ACO1: variants seen among roughly 807,000 people sequenced by gnomAD.
ACO1 encodes cytoplasmic aconitate hydratase.
In ACO1, 78 loss-of-function variants were observed where a neutral mutation model predicts 105.1. That is an observed-to-expected ratio of 0.74 (90% CI 0.62 to 0.90). The LOEUF is 0.90. Among genes scored for constraint, ACO1 ranks in the 40% least tolerant of loss-of-function variants. The pLI, the probability that ACO1 is intolerant of heterozygous loss-of-function variation, is 0.00. For synonymous variants in ACO1, 364 were observed against 397.4 expected (o/e 0.92, Z 1.00); for missense variants, 965 against 1,111.1 (o/e 0.87, Z 1.87).
intron 15 of ACO1, among the ~76,000 whole-genome samples, chr9:32,432,126 C>T (rs1410654057): frequency 6.6e-6 from 1 of 152,092 alleles, no homozygotes; most frequent in Non-Finnish European, 1.5e-5. Context: ...ACGCCTTTCT[C>T]GGACACCCAG....
At chr9:32,393,277 G>A (rs963436954) in intron 1 of ACO1, among the ~76,000 whole-genome samples, 8 of 152,124 alleles carry the variant, frequency 5.3e-5, no homozygotes, top group Non-Finnish European at 1.0e-4. Context: ...GTCCCTGAGG[G>A]TAGGCCTCTA....
At chr9:32,426,107 G>A (rs951721247) in intron 11 of ACO1, 110 bp downstream of exon 11, 10 of 1,078,506 alleles carry the variant, frequency 9.3e-6, no homozygotes, top group East Asian at 4.9e-5. Context: ...CCTGAACCTC[G>A]TCTTTTCCAG....
intron 19 of ACO1, 147 bp from the exon 20 acceptor site, chr9:32,448,749 G>A (rs1041529153): frequency 1.2e-4 from 95 of 796,798 alleles, no homozygotes; most frequent in African/African-American, 4.3e-4. Flanking sequence ...GAAATCACTC[G>A]CCTTCTGTGT....
chr9:32,384,810 C>T, intron 1 of ACO1, 75 bp downstream of exon 1: 1 of 284,324 alleles, frequency 3.5e-6, no homozygotes, highest in South Asian at 2.4e-5. Context: ...AGAGTCGGTG[C>T]GGGCCTTTAC....
chr9:32,405,523 C>G lies in ACO1; in HGVS notation c.17C>G (p.Ala6Gly), dbSNP rs1031755059. The G allele has an allele frequency of 6.2e-7, 1 of 1,613,572 alleles. No homozygotes were observed. Among genetic ancestry groups the G allele is most frequent in the African/African-American group, 1.3e-5 (1 of 74,914 alleles). MSNPF[A>G]HLAEPLDPVQ... ...TCAGTAATCATGAGCAACCCATTCG[C>G]ACACCTTGCTGAGCCATTGGATCCT... is the stretch of plus-strand genomic sequence containing the variant. Residue 6 changes from alanine (A) to glycine (G), a missense_variant, in exon 2 of 21, where the codon GCA becomes GGA. Ala to Gly is a moderately conservative substitution (Grantham distance 60). Transcript: ENST00000309951.
intron 16 of ACO1, 76 bp downstream of exon 16, chr9:32,433,908 A>G (rs1822295970): frequency 8.3e-7 from 1 of 1,204,834 alleles, no homozygotes; most frequent in African/African-American, 1.5e-5. Flanking sequence ...TTATTACCCC[A>G]TGCTCTTGCT....
At chr9:32,395,680 A>G (rs1447959176) in intron 1 of ACO1, among the ~76,000 whole-genome samples, 4 of 152,148 alleles carry the variant, frequency 2.6e-5, no homozygotes, top group Non-Finnish European at 5.9e-5. Context: ...TTCTCAGGAC[A>G]ATGCCCCCAC....
In ACO1 at chr9:32,408,548, C is replaced by T. The variant is rs769267795; in HGVS notation, c.301C>T (p.Arg101Cys). ...VPAVVDFAAM[R>C]DAVKKLGGDP... Reference sequence around the variant, plus strand: ...CGCTGTGGTTGACTTTGCTGCAATGCGTGATGCTGTGAAAAAGTTAGGAGG... The same window carrying T: ...CGCTGTGGTTGACTTTGCTGCAATGTGTGATGCTGTGAAAAAGTTAGGAGG... Residue 101 changes from arginine to cysteine, a missense_variant, in exon 4 of 21, where the codon CGT becomes TGT. Coordinates refer to ENST00000309951, the MANE Select transcript of ACO1 (RefSeq NM_002197.3). 5.0e-6 allele frequency: 8 copies of T among 1,614,088 alleles called. No homozygotes were observed. Among genetic ancestry groups the T allele is most frequent in the Non-Finnish European group, 5.1e-6 (6 of 1,180,000 alleles).
intron 1 of ACO1, among the ~76,000 whole-genome samples, chr9:32,400,744 G>T (rs1821477675): frequency 6.6e-6 from 1 of 152,210 alleles, no homozygotes; most frequent in Non-Finnish European, 1.5e-5. Flanking sequence ...AGTGTTTTAA[G>T]AAGTAAGTAG....
intron 1 of ACO1, among the ~76,000 whole-genome samples, chr9:32,392,880 C>T (rs568652721): frequency 2.0e-5 from 3 of 152,328 alleles, no homozygotes; most frequent in Admixed American, 1.3e-4. Context: ...AATCTCTGAA[C>T]ATAAATTGTG....
intron 1 of ACO1, chr9:32,386,250 A>G (rs1039848805): frequency 6.6e-6 from 1 of 152,218 alleles, no homozygotes; most frequent in Non-Finnish European, 1.5e-5. Context: ...AAGAACAAGG[A>G]GGCATGCTTT....
At chr9:32,444,858 A>G (rs1054833634) in intron 19 of ACO1, among the ~76,000 whole-genome samples, 5 of 152,178 alleles carry the variant, frequency 3.3e-5, no homozygotes, top group African/African-American at 1.2e-4. Flanking sequence ...CCTTTTCTGC[A>G]TCTATTGAGA....
rs772639376 is a variant in ACO1 at position 32,423,378 on chromosome 9, C to T, written c.1030C>T (p.Arg344Ter). The T allele has an allele frequency of 8.1e-6, 13 of 1,597,620 alleles. No homozygotes were observed. Among genetic ancestry groups the T allele is most frequent in the Admixed American group, 1.8e-5 (1 of 56,582 alleles). ...KKYLQAVGMF[R>*]DFNDPSQDPD... is the part of the protein sequence containing the mutation. ...ATATCTTCAGGCTGTAGGAATGTTT[C>T]GAGATTTCAATGACCCTTCTCAAGA... The change falls in exon 9 of 21, where the codon CGA becomes TGA. Residue 344 changes from arginine (R) to a stop codon, truncating the protein, a stop_gained. Coordinates refer to ENST00000309951, the MANE Select transcript of ACO1 (RefSeq NM_002197.3). LOFTEE classifies it high-confidence loss of function.
chr9:32,423,020 A>G (rs1326964980), intron 8 of ACO1, among the ~76,000 whole-genome samples: 2 of 152,166 alleles, frequency 1.3e-5, no homozygotes, highest in Admixed American at 1.3e-4. Flanking sequence ...AGATTCTCCT[A>G]ATTAAAGGCT....
rs535864367 is a variant in ACO1, at chr9:32,451,258, A to G, written c.*1147A>G. On this transcript the variant is annotated 3_prime_UTR_variant, in exon 21 of 21. Transcript: ENST00000309951. Reference sequence around the variant, plus strand: ...TATGGAGGCTGGAATTCTGAGATCAAAGTTGAAGCCACTTCATTTTCTGGT... The same window carrying G: ...TATGGAGGCTGGAATTCTGAGATCAGAGTTGAAGCCACTTCATTTTCTGGT... 1 of 152,236 alleles carries G rather than the reference A, an allele frequency of 6.6e-6. No homozygotes were observed. The highest frequency in any genetic ancestry group is 2.4e-5 in the African/African-American group (1 of 41,546). The allele number at this position is 152,236 out of a possible 1,614,324, so 9.4% of individuals were successfully genotyped here. A position where few individuals can be genotyped will look rare whatever the true frequency, so the allele number is the denominator to read the frequency against.
rs374263484 is a variant in ACO1 at position 32,411,591 on chromosome 9, T to G, written c.404+2940T>G. 7.8e-3 allele frequency among the ~76,000 whole-genome samples: 1,188 copies of G among 152,260 alleles called. 7 individuals carry two copies. Among genetic ancestry groups the G allele is most frequent in the South Asian group, 0.027 (131 of 4,822 alleles). ...ATAAATGGGCAAAGGAAAGTGGACA[T>G]TTCATAATAAAAGGAAATGCAAATG... On this transcript the variant is annotated intron_variant, in intron 4 of 20. Transcript: ENST00000309951.
intron 1 of ACO1, among the ~76,000 whole-genome samples, chr9:32,385,933 C>T (rs1470655769): frequency 1.3e-5 from 2 of 152,206 alleles, no homozygotes; most frequent in African/African-American, 4.8e-5. Flanking sequence ...ACACACACCA[C>T]CTCATGCCAT....
chr9:32,409,745 T>A (rs1821693843), intron 4 of ACO1, among the ~76,000 whole-genome samples: 3 of 152,022 alleles, frequency 2.0e-5, no homozygotes, highest in Non-Finnish European at 4.4e-5. Context: ...TCCCAGCTAC[T>A]TAGGAGGCTG....
chr9:32,409,436 T>C (rs1313133693), intron 4 of ACO1, among the ~76,000 whole-genome samples: 1 of 152,258 alleles, frequency 6.6e-6, no homozygotes, highest in East Asian at 1.9e-4. Flanking sequence ...AGACACCTAA[T>C]GGTCTATGAC....
Sources: gnomAD v4.1 joint callset for allele counts (sites outside exome capture counted in the v4.1 genomes callset) on GRCh38, gnomAD v4.1.1 for gene constraint, MANE v1.5 for transcripts, NCBI Gene and HGNC (gene_info 2026-07-23, HGNC 2026-07-21) for gene names.